Variants in SRF observed in about 807,000 individuals in gnomAD.
SRF encodes the protein c-fos serum response element-binding transcription factor.
In SRF, 7 loss-of-function variants were observed where a neutral mutation model predicts 37.1. The ratio of observed to expected loss-of-function variants is 0.19; its 90% CI spans 0.11 to 0.35. SRF has a LOEUF of 0.35. Ranked by LOEUF, SRF falls within the 10% of genes least tolerant of loss-of-function variation. SRF has a pLI of 1.00. For synonymous variants in SRF, 285 were observed against 310.1 expected (o/e 0.92, Z 0.85); for missense variants, 395 against 694.4 (o/e 0.57, Z 4.85).
chr6:43,171,736 C>T lies in SRF; in HGVS notation c.80C>T (p.Thr27Met), dbSNP rs1361064903. 1.2e-5 allele frequency: 15 copies of T among 1,202,242 alleles called. No homozygotes were observed. Among genetic ancestry groups the T allele is most frequent in the Non-Finnish European group, 1.5e-5 (15 of 968,726 alleles). The allele number at this position is 1,202,242 out of a possible 1,614,324, so 74.5% of individuals were successfully genotyped here. ...ALGGSLNRTP[T>M]GRPGGGGGTR... is the part of the protein sequence containing the mutation. ...GGGGGCAGCCTGAACCGGACCCCGA[C>T]GGGGCGGCCGGGCGGCGGCGGCGGG... is the stretch of plus-strand genomic sequence containing the variant. Residue 27 changes from threonine (T) to methionine (M), a missense_variant, in exon 1 of 7, where the codon ACG becomes ATG. Around this residue, in one of 4 missense-constraint regions of SRF, gnomAD observed 134 missense variants for 204.5 expected, o/e 0.66. Transcript: ENST00000265354. This position sits in a 1 kb window ranked among gnomAD's most constrained non-coding sequence, Gnocchi z 6.5.
chr6:43,176,471 A>C lies in SRF; in HGVS notation c.1043-77A>C. ...GGAGACCAGTGTGCCAGACCCTGGG[A>C]CTGGGGTGTCCATGGGTACTTGGTG... is the stretch of plus-strand genomic sequence containing the variant. On this transcript the variant is annotated intron_variant, in intron 3 of 6. Coordinates refer to ENST00000265354, the MANE Select transcript of SRF (RefSeq NM_003131.4). This position sits in a 1 kb window ranked among gnomAD's most constrained non-coding sequence, Gnocchi z 4.0. The C allele has an allele frequency of 3.2e-6, 5 of 1,585,442 alleles. No homozygotes were observed. Among genetic ancestry groups the C allele is most frequent in the Non-Finnish European group, 4.3e-6 (5 of 1,161,072 alleles).
In SRF at chr6:43,178,233, G is replaced by A. The variant is rs74585888; in HGVS notation, c.1163-61G>A. On this transcript the variant is annotated intron_variant, in intron 4 of 6. Transcript: ENST00000265354. The surrounding 1 kb of genome is among the most constrained non-coding windows in gnomAD (Gnocchi z 4.3). The stretch of plus-strand genomic sequence containing the variant: ...GCTCTGGGGGCCTGGAATTCCTAGG[G>A]ACGGAATGGGAGTTATCAGTGGGGA... The A allele has an allele frequency of 1.3e-3, 1,911 of 1,492,958 alleles. 21 individuals carry two copies. The South Asian group carries it at 0.017, about 14-fold the overall frequency. 92.5% of individuals were successfully genotyped at this position (1,492,958 alleles called of 1,614,324 possible).
rs1272250604 is a variant in SRF at position 43,172,723 on chromosome 6, G to A, written c.513+554G>A. 6.6e-6 allele frequency among the ~76,000 whole-genome samples: 1 copy of A among 152,162 alleles called. No homozygotes were observed. Among genetic ancestry groups the A allele is most frequent in the African/African-American group, 2.4e-5 (1 of 41,424 alleles). ...GGAGCGGGGCAGGAGAACTGGTGCT[G>A]CCCTGAGCAGCAGGAACCTAGTCCT... On this transcript the variant is annotated intron_variant, in intron 1 of 6. Transcript: ENST00000265354. This position sits in a 1 kb window ranked among gnomAD's most constrained non-coding sequence, Gnocchi z 5.7.
In SRF at chr6:43,173,159, A is replaced by G. The variant is rs1024284938; in HGVS notation, c.514-688A>G. On this transcript the variant is annotated intron_variant, in intron 1 of 6. Transcript: ENST00000265354. The surrounding 1 kb of genome is among the most constrained non-coding windows in gnomAD (Gnocchi z 4.2). ...CCTTGAAGGTCCCCTTCCTGGGCTC[A>G]TGGCAGGATGTTTAGTGCTAATCTA... Among the ~76,000 whole-genome samples, 1 of 152,108 alleles carries G rather than the reference A, an allele frequency of 6.6e-6. No individual in the cohort carries two copies. The highest frequency in any genetic ancestry group is 2.4e-5 in the African/African-American group (1 of 41,408).
intron 4 of SRF, among the ~76,000 whole-genome samples, chr6:43,177,226 C>CTTTTTTTTTTTTT (rs1562000896): frequency 3.7e-5 from 4 of 109,356 alleles, no homozygotes; most frequent in African/African-American, 2.1e-4. Context: ...GAATCGGAGT[C>CTTTTTTTTTTTTT]TGTTTTTTTT....
rs573419799 is a variant in SRF at position 43,173,410 on chromosome 6, T to C, written c.514-437T>C. On this transcript the variant is annotated intron_variant, in intron 1 of 6. Coordinates refer to ENST00000265354, the MANE Select transcript of SRF (RefSeq NM_003131.4). This position sits in a 1 kb window ranked among gnomAD's most constrained non-coding sequence, Gnocchi z 4.2. ...CCTGTGCAGTTTCTGGAAAGAAACA[T>C]GGGACAGTTGGAGCTTAAATGGTCC... Among the ~76,000 whole-genome samples the C allele has an allele frequency of 6.6e-5, 10 of 152,214 alleles. No individual in the cohort carries two copies. The highest frequency in any genetic ancestry group is 2.4e-4 in the African/African-American group (10 of 41,576).
Position 43,172,426 on chromosome 6 carries a change from G to A in SRF, c.513+257G>A. ...GGTGGGAGTGACCGGCGCCAGAGAG[G>A]AAGAGGGCCCTTGCTGAGTGAAGGG... On this transcript the variant is annotated intron_variant, in intron 1 of 6. Coordinates refer to ENST00000265354, the MANE Select transcript of SRF (RefSeq NM_003131.4). This position sits in a 1 kb window ranked among gnomAD's most constrained non-coding sequence, Gnocchi z 5.7. The A allele has an allele frequency of 1.0e-6, 1 of 985,432 alleles. No individual in the cohort carries two copies. The highest frequency in any genetic ancestry group is 1.2e-6 in the Non-Finnish European group (1 of 829,936). The allele number at this position is 985,432 out of a possible 1,614,324, so 61.0% of individuals were successfully genotyped here.
intron 2 of SRF, 95 bp downstream of exon 2, chr6:43,174,208 A>T: frequency 6.7e-7 from 1 of 1,481,554 alleles, no homozygotes. Context: ...ACCGATGTGG[A>T]GTGGAGCCGG....
At position 43,176,064 on chromosome 6, in the gene SRF, C is replaced by T. The variant is rs1217279025; in HGVS notation, c.1042+97C>T. 1 of 1,498,204 alleles carries T rather than the reference C, an allele frequency of 6.7e-7. No individual in the cohort carries two copies. The highest frequency in any genetic ancestry group is 8.9e-7 in the Non-Finnish European group (1 of 1,117,330). 92.8% of individuals were successfully genotyped at this position (1,498,204 alleles called of 1,614,324 possible). ...GCTGGCACCAAGAGAACCTCTTTCC[C>T]TGCTCAGAAGGAAGGTGAATAGGGG... On this transcript the variant is annotated intron_variant, in intron 3 of 6. Coordinates refer to ENST00000265354, the MANE Select transcript of SRF (RefSeq NM_003131.4). The surrounding 1 kb of genome is among the most constrained non-coding windows in gnomAD (Gnocchi z 4.0).
rs1269104510 is a variant in SRF at position 43,172,979 on chromosome 6, T to C, written c.513+810T>C. On this transcript the variant is annotated intron_variant, in intron 1 of 6. Transcript: ENST00000265354. This position sits in a 1 kb window ranked among gnomAD's most constrained non-coding sequence, Gnocchi z 5.7. ...AGGAGTCATTTTGGGGTGTAGACGA[T>C]AAGGGAAGAGATGAAAGCAGAGGAA... is the stretch of plus-strand genomic sequence containing the variant. Among the ~76,000 whole-genome samples the C allele has an allele frequency of 2.0e-5, 3 of 152,058 alleles. No homozygotes were observed. The highest frequency in any genetic ancestry group is 7.2e-5 in the African/African-American group (3 of 41,380).
rs1772095422 is a variant in SRF at position 43,171,509 on chromosome 6, G to A, written c.-148G>A. ...GGCCCAGGTCGGCCCGGGCGTGCAG[G>A]GGCCCCGGGTTCGCAGCGGCGGCCG... On this transcript the variant is annotated 5_prime_UTR_variant, in exon 1 of 7. Coordinates refer to ENST00000265354, the MANE Select transcript of SRF (RefSeq NM_003131.4). The surrounding 1 kb of genome is among the most constrained non-coding windows in gnomAD (Gnocchi z 6.5). 2 of 920,100 alleles carry A rather than the reference G, an allele frequency of 2.2e-6. No homozygotes were observed. The highest frequency in any genetic ancestry group is 2.8e-6 in the Non-Finnish European group (2 of 719,998). 57.0% of individuals were successfully genotyped at this position (920,100 alleles called of 1,614,324 possible). A position where few individuals can be genotyped will look rare whatever the true frequency, so the allele number is the denominator to read the frequency against.
intron 2 of SRF, 111 bp downstream of exon 2, chr6:43,174,224 C>A: frequency 1.5e-6 from 2 of 1,374,024 alleles, no homozygotes; most frequent in Non-Finnish European, 2.0e-6. Flanking sequence ...GCCGGATTAA[C>A]GACCCTCGTC....
Position 43,176,621 on chromosome 6 carries a change from C to T in SRF, c.1116C>T (p.Ser372=). The change falls in exon 4 of 7, where the codon TCC becomes TCT. Residue 372 remains serine, a synonymous_variant. Transcript: ENST00000265354. This position sits in a 1 kb window ranked among gnomAD's most constrained non-coding sequence, Gnocchi z 4.0. ...VHQAPQQASP[S]RDSSTDLTQT... ...AGGCCCCACAGCAAGCGTCTCCCTCCCGTGACAGCAGCACAGACCTCACGC... is the reference window on the plus strand; with the variant it reads ...AGGCCCCACAGCAAGCGTCTCCCTCTCGTGACAGCAGCACAGACCTCACGC... The T allele has an allele frequency of 6.2e-7, 1 of 1,614,174 alleles. No individual in the cohort carries two copies. Among genetic ancestry groups the T allele is most frequent in the Non-Finnish European group, 8.5e-7 (1 of 1,180,020 alleles).
At position 43,180,443 on chromosome 6, in the gene SRF, C is replaced by T. The variant is rs1021520723; in HGVS notation, c.*1253C>T. 2.0e-5 allele frequency: 3 copies of T among 152,732 alleles called. No individual in the cohort carries two copies. The highest frequency in any genetic ancestry group is 6.5e-5 in the Admixed American group (1 of 15,286). The allele number at this position is 152,732 out of a possible 1,614,324, so 9.5% of individuals were successfully genotyped here. ...GGGTCAGAAGAAGTGGGAGCAGCTT[C>T]TTGGGCTGAGTGCAGCCAAAGGGGA... On this transcript the variant is annotated 3_prime_UTR_variant, in exon 7 of 7. Transcript: ENST00000265354.
Position 43,172,749 on chromosome 6 carries a change from GCGC to G in SRF, c.513+583_513+585del, listed in dbSNP as rs1400641932. 1.3e-5 allele frequency among the ~76,000 whole-genome samples: 2 copies of G among 152,154 alleles called. No individual in the cohort carries two copies. Among genetic ancestry groups the G allele is most frequent in the Non-Finnish European group, 2.9e-5 (2 of 68,012 alleles). On this transcript the variant is annotated intron_variant, in intron 1 of 6. Transcript: ENST00000265354. This position sits in a 1 kb window ranked among gnomAD's most constrained non-coding sequence, Gnocchi z 5.7. Reference sequence around the variant, plus strand: ...CCCTGAGCAGCAGGAACCTAGTCCTGCGCCGGCCGTGAGTCTTCCATGGCATCC... The same window carrying G: ...CCCTGAGCAGCAGGAACCTAGTCCTGCGGCCGTGAGTCTTCCATGGCATCC...
At position 43,178,704 on chromosome 6, in the gene SRF, C is replaced by G; in HGVS notation, c.1355-102C>G. The G allele has an allele frequency of 2.2e-6, 3 of 1,376,784 alleles. No individual in the cohort carries two copies. The highest frequency in any genetic ancestry group is 1.7e-5 in the Admixed American group (1 of 59,492). The allele number at this position is 1,376,784 out of a possible 1,614,324, so 85.3% of individuals were successfully genotyped here. ...TGGCACCCTTTCCCTTGGGCTCTTACATCTGAGACTGCCCCAGTCACTTGT... is the reference window on the plus strand; with the variant it reads ...TGGCACCCTTTCCCTTGGGCTCTTAGATCTGAGACTGCCCCAGTCACTTGT... On this transcript the variant is annotated intron_variant, in intron 5 of 6. Coordinates refer to ENST00000265354, the MANE Select transcript of SRF (RefSeq NM_003131.4). This position sits in a 1 kb window ranked among gnomAD's most constrained non-coding sequence, Gnocchi z 4.3.
In SRF at chr6:43,178,534, T is replaced by C. The variant is rs1472406759; in HGVS notation, c.1354+49T>C. On this transcript the variant is annotated intron_variant, in intron 5 of 6. Coordinates refer to ENST00000265354, the MANE Select transcript of SRF (RefSeq NM_003131.4). This position sits in a 1 kb window ranked among gnomAD's most constrained non-coding sequence, Gnocchi z 4.3. ...GAAAGGAGGACCGTTTCCTTCTTTATACACACACACACACACACATACACA... is the reference window on the plus strand; with the variant it reads ...GAAAGGAGGACCGTTTCCTTCTTTACACACACACACACACACACATACACA... 6.6e-7 allele frequency: 1 copy of C among 1,506,710 alleles called. No homozygotes were observed. Among genetic ancestry groups the C allele is most frequent in the Non-Finnish European group, 9.1e-7 (1 of 1,101,250 alleles). The allele number at this position is 1,506,710 out of a possible 1,614,324, so 93.3% of individuals were successfully genotyped here. A position where few individuals can be genotyped will look rare whatever the true frequency, so the allele number is the denominator to read the frequency against.
Position 43,176,103 on chromosome 6 carries a change from G to A in SRF, c.1042+136G>A, listed in dbSNP as rs930314594. The A allele has an allele frequency of 2.8e-5, 36 of 1,270,602 alleles. 1 individual carries two copies. Among genetic ancestry groups the A allele is most frequent in the African/African-American group, 3.0e-5 (2 of 67,006 alleles). The allele number at this position is 1,270,602 out of a possible 1,614,324, so 78.7% of individuals were successfully genotyped here. On this transcript the variant is annotated intron_variant, in intron 3 of 6. Coordinates refer to ENST00000265354, the MANE Select transcript of SRF (RefSeq NM_003131.4). This position sits in a 1 kb window ranked among gnomAD's most constrained non-coding sequence, Gnocchi z 4.0. ...GGTGAATAGGGGCCAGAGCCTGAGC[G>A]AAGCCTCTTATATCCCGTTGGCAGG...
At position 43,176,422 on chromosome 6, in the gene SRF, C is replaced by T; in HGVS notation, c.1043-126C>T. On this transcript the variant is annotated intron_variant, in intron 3 of 6. Coordinates refer to ENST00000265354, the MANE Select transcript of SRF (RefSeq NM_003131.4). This position sits in a 1 kb window ranked among gnomAD's most constrained non-coding sequence, Gnocchi z 4.0. ...TGGGCCTGAAGGGCCTCTTTGGCTT[C>T]CAGGAAAGATAGTGATGGGAGTTGG... 1.4e-6 allele frequency: 2 copies of T among 1,466,552 alleles called. No homozygotes were observed. The highest frequency in any genetic ancestry group is 2.6e-5 in the South Asian group (2 of 77,862). The allele number at this position is 1,466,552 out of a possible 1,614,324, so 90.8% of individuals were successfully genotyped here. A position where few individuals can be genotyped will look rare whatever the true frequency, so the allele number is the denominator to read the frequency against.
Sources: allele counts gnomAD v4.1 joint callset (sites outside exome capture counted in the v4.1 genomes callset), GRCh38; gene constraint gnomAD v4.1.1; regional missense constraint gnomAD v4.1.1; non-coding constraint Gnocchi (gnomAD v3.1); transcripts MANE v1.5; gene names NCBI Gene and HGNC (gene_info 2026-07-23, HGNC 2026-07-21).